Variants in PTCHD4 observed in about 807,000 individuals in gnomAD.
PTCHD4 encodes patched domain-containing protein 4.
A neutral mutation model predicts 58.1 loss-of-function variants in PTCHD4; 33 were observed. That is an observed-to-expected ratio of 0.57 (90% CI 0.43 to 0.76). PTCHD4 has a LOEUF of 0.76. Among genes scored for constraint, PTCHD4 ranks in the 30% least tolerant of loss-of-function variants. The probability of loss-of-function intolerance (pLI) is 0.00; values close to 1 mark genes in which losing one functional copy is unlikely to be tolerated. For synonymous variants in PTCHD4, 478 were observed against 409.6 expected (o/e 1.17, Z -2.02); for missense variants, 1,058 against 1,027.1 (o/e 1.03, Z -0.41).
At position 47,883,682 on chromosome 6, in the gene PTCHD4, A is replaced by T. The variant is rs149707368; in HGVS notation, c.899-3746T>A. ...AGGGTTTCCCAACTGGGCACTATTG[A>T]CACTTTGGGCTGGATAATTCTTTAT... On this transcript the variant is annotated intron_variant, in intron 4 of 4. Coordinates refer to ENST00000339488, the MANE Select transcript of PTCHD4 (RefSeq NM_001384253.1). 3.3e-5 allele frequency among the ~76,000 whole-genome samples: 5 copies of T among 152,250 alleles called. No homozygotes were observed. The East Asian group carries it at 9.7e-4, about 29-fold the overall frequency.
chr6:48,068,744 C>T lies in PTCHD4; in HGVS notation c.6-103G>A. ...CCTCCCCACCGCCGCCGCCTCCCCA[C>T]CCACTCCGCGCTCACCCCACAACCA... is the stretch of plus-strand genomic sequence containing the variant. On this transcript the variant is annotated intron_variant, in intron 2 of 4. Coordinates refer to ENST00000339488, the MANE Select transcript of PTCHD4 (RefSeq NM_001384253.1). This position sits in a 1 kb window ranked among gnomAD's most constrained non-coding sequence, Gnocchi z 4.2. The T allele has an allele frequency of 8.7e-7, 1 of 1,149,028 alleles. No individual in the cohort carries two copies. Among genetic ancestry groups the T allele is most frequent in the Non-Finnish European group, 1.2e-6 (1 of 829,464 alleles). 71.2% of individuals were successfully genotyped at this position (1,149,028 alleles called of 1,614,324 possible). A position where few individuals can be genotyped will look rare whatever the true frequency, so the allele number is the denominator to read the frequency against.
intron 4 of PTCHD4, among the ~76,000 whole-genome samples, chr6:48,003,967 T>C (rs569129176): frequency 7.2e-5 from 11 of 152,250 alleles, no homozygotes; most frequent in Non-Finnish European, 1.5e-4. Flanking sequence ...ATCTGACCAC[T>C]TATGTTCTTT....
At chr6:47,924,748 T>C (rs566235262) in intron 4 of PTCHD4, among the ~76,000 whole-genome samples, 4 of 152,158 alleles carry the variant, frequency 2.6e-5, no homozygotes, top group African/African-American at 4.8e-5. Flanking sequence ...GATTGTAATA[T>C]GTTTTTAAGA....
intron 1 of PTCHD4, among the ~76,000 whole-genome samples, chr6:48,104,856 G>C (rs1765685778): frequency 6.6e-6 from 1 of 152,152 alleles, no homozygotes; most frequent in African/African-American, 2.4e-5. Flanking sequence ...AGACAAAGAA[G>C]GCCATTACAT....
intron 1 of PTCHD4, among the ~76,000 whole-genome samples, chr6:48,095,070 G>A (rs745840250): frequency 5.5e-4 from 84 of 152,292 alleles, no homozygotes; most frequent in African/African-American, 1.9e-3. Flanking sequence ...AATTTTCGGG[G>A]ATTGTGGACA....
chr6:48,078,715 C>CT (rs1286862600), intron 1 of PTCHD4, among the ~76,000 whole-genome samples: 16 of 151,898 alleles, frequency 1.1e-4, no homozygotes, highest in Admixed American at 2.0e-4. Flanking sequence ...AGCAGAAACT[C>CT]TTTTTTTTCT....
intron 3 of PTCHD4, among the ~76,000 whole-genome samples, chr6:48,059,379 G>A (rs1275456764): frequency 1.3e-5 from 2 of 152,158 alleles, no homozygotes; most frequent in South Asian, 2.1e-4. Context: ...GGTGGTTCAC[G>A]CCTGTAATCC....
At chr6:47,926,649 A>C (rs950747139) in intron 4 of PTCHD4, among the ~76,000 whole-genome samples, 1 of 152,222 alleles carries the variant, frequency 6.6e-6, no homozygotes, top group Admixed American at 6.5e-5. Context: ...TTTATTTCAT[A>C]GGTAAAATAA....
At chr6:48,108,945 A>T (rs969899444) in intron 1 of PTCHD4, among the ~76,000 whole-genome samples, 23 of 152,230 alleles carry the variant, frequency 1.5e-4, no homozygotes, top group African/African-American at 5.1e-4. Context: ...GAAACAGGAC[A>T]TAATTACAGA....
intron 1 of PTCHD4, among the ~76,000 whole-genome samples, chr6:48,083,953 A>T (rs1765213023): frequency 6.6e-6 from 1 of 152,156 alleles, no homozygotes; most frequent in Admixed American, 6.5e-5. Context: ...GCCACATTAT[A>T]CTCAGACTTT....
chr6:48,070,273 G>A (rs948664938), intron 1 of PTCHD4, among the ~76,000 whole-genome samples: 1 of 152,090 alleles, frequency 6.6e-6, no homozygotes, highest in East Asian at 1.9e-4. Flanking sequence ...TGAGTTTCAA[G>A]AGATGTTCTG....
chr6:47,923,407 G>C (rs1249364906), intron 4 of PTCHD4, among the ~76,000 whole-genome samples: 1 of 152,098 alleles, frequency 6.6e-6, no homozygotes, highest in African/African-American at 2.4e-5. Context: ...CCTTACTCAA[G>C]TTATAGCACT....
Position 47,859,326 on chromosome 6 carries a change from C to G in PTCHD4, c.*18977G>C, listed in dbSNP as rs1343371525. 2.6e-5 allele frequency among the ~76,000 whole-genome samples: 4 copies of G among 151,998 alleles called. No individual in the cohort carries two copies. Among genetic ancestry groups the G allele is most frequent in the African/African-American group, 9.7e-5 (4 of 41,406 alleles). ...CCTGCTCTGCCAAAGGAAACCATGT[C>G]TTTTGTTAAAGTTTAAGCTACTGAT... On this transcript the variant is annotated 3_prime_UTR_variant, in exon 5 of 5. Coordinates refer to ENST00000339488, the MANE Select transcript of PTCHD4 (RefSeq NM_001384253.1).
At chr6:47,921,568 T>C (rs751289495) in intron 4 of PTCHD4, among the ~76,000 whole-genome samples, 1 of 152,170 alleles carries the variant, frequency 6.6e-6, no homozygotes, top group Non-Finnish European at 1.5e-5. Context: ...AGTTGAAACA[T>C]AGTATAGCAA....
chr6:47,952,967 C>G (rs1489123453), intron 4 of PTCHD4, among the ~76,000 whole-genome samples: 1 of 151,922 alleles, frequency 6.6e-6, no homozygotes, highest in Non-Finnish European at 1.5e-5. Context: ...TACATACATG[C>G]ACATATACAT....
intron 4 of PTCHD4, among the ~76,000 whole-genome samples, chr6:47,951,568 C>T (rs1037913352): frequency 1.3e-5 from 2 of 152,272 alleles, no homozygotes. Context: ...CAGTTCTATA[C>T]TCAGAAATCA....
chr6:47,873,075 T>C lies in PTCHD4; in HGVS notation c.*5228A>G, dbSNP rs1057048059. Among the ~76,000 whole-genome samples, 6 of 151,690 alleles carry C rather than the reference T, an allele frequency of 4.0e-5. No homozygotes were observed. Among genetic ancestry groups the C allele is most frequent in the African/African-American group, 1.2e-4 (5 of 41,386 alleles). Reference sequence around the variant, plus strand: ...TCTTTACAAAGAGTCTCCCTAGCTTTTCACTTTCACTAACAAAAGGGTCTA... The same window carrying C: ...TCTTTACAAAGAGTCTCCCTAGCTTCTCACTTTCACTAACAAAAGGGTCTA... On this transcript the variant is annotated 3_prime_UTR_variant, in exon 5 of 5. Coordinates refer to ENST00000339488, the MANE Select transcript of PTCHD4 (RefSeq NM_001384253.1).
rs1042979905 is a variant in PTCHD4, at chr6:48,006,806, T to C, written c.898+1828A>G. On this transcript the variant is annotated intron_variant, in intron 4 of 4. Transcript: ENST00000339488. ...ATTGCACTTAAAACATCAGGTTAAA[T>C]AGTAAAACTTGCTGATATTTACTTA... Among the ~76,000 whole-genome samples, 4 of 152,228 alleles carry C rather than the reference T, an allele frequency of 2.6e-5. No individual in the cohort carries two copies. In the South Asian group the frequency reaches 8.3e-4, roughly 31 times the overall value.
chr6:48,093,302 C>A (rs1765402281), intron 1 of PTCHD4, among the ~76,000 whole-genome samples: 1 of 152,036 alleles, frequency 6.6e-6, no homozygotes, highest in Non-Finnish European at 1.5e-5. Flanking sequence ...AGTGACTTGC[C>A]CAAGCAGTTC....
Sources: gnomAD v4.1 joint callset for allele counts (sites outside exome capture counted in the v4.1 genomes callset) on GRCh38, gnomAD v4.1.1 for gene constraint, Gnocchi (gnomAD v3.1) non-coding constraint, MANE v1.5 for transcripts, NCBI Gene and HGNC (gene_info 2026-07-23, HGNC 2026-07-21) for gene names.